IL7: variants seen among roughly 807,000 people sequenced by gnomAD.
IL7 encodes the protein interleukin-7.
IL7 carries 3 observed loss-of-function variants against 21.6 expected under a neutral mutation model. The ratio of observed to expected loss-of-function variants is 0.14; its 90% CI spans 0.06 to 0.36. The LOEUF (loss-of-function observed/expected upper bound fraction) is 0.36. IL7 is among the 10% of genes least tolerant of loss of function. The pLI is 1.00. For synonymous variants in IL7, 62 were observed against 68.1 expected, an observed-to-expected ratio of 0.91 and a Z score of 0.44; for missense variants, 175 against 200.2, an observed-to-expected ratio of 0.87 and a Z score of 0.76.
intron 3 of IL7, among the ~76,000 whole-genome samples, chr8:78,722,993 A>C (rs1563645544): frequency 6.6e-6 from 1 of 151,296 alleles, no homozygotes; most frequent in Non-Finnish European, 1.5e-5. Flanking sequence ...AAAAACTGTA[A>C]AAATAATAAC....
intron 5 of IL7, among the ~76,000 whole-genome samples, chr8:78,735,292 T>G (rs1317722686): frequency 6.0e-4 from 59 of 98,886 alleles, no homozygotes; most frequent in South Asian, 1.4e-3. Flanking sequence ...TTTTTTTTTT[T>G]GTTTTTTTTT....
intron 2 of IL7, chr8:78,762,456 A>T: frequency 6.4e-7 from 1 of 1,557,654 alleles, no homozygotes; most frequent in Non-Finnish European, 8.7e-7. Context: ...CGGCCGGTCC[A>T]GCCCTCCCCT....
chr8:78,801,735 C>G (rs1345697077), intron 1 of IL7, among the ~76,000 whole-genome samples: 2 of 152,164 alleles, frequency 1.3e-5, no homozygotes, highest in Admixed American at 1.3e-4. Flanking sequence ...TAAGAATCTA[C>G]CTGGTCCTCC....
At chr8:78,767,193 CTT>C (rs1053083389) in intron 2 of IL7, among the ~76,000 whole-genome samples, 1 of 151,380 alleles carries the variant, frequency 6.6e-6, no homozygotes, top group African/African-American at 2.4e-5. Context: ...AGGTTTATCT[CTT>C]ATATAGTGCA....
chr8:78,735,276 C>CTTTTTTTTTTTTTTTTTTTT lies in IL7; in HGVS notation c.414+1197_414+1198insAAAAAAAAAAAAAAAAAAAA. On this transcript the variant is annotated intron_variant, in intron 5 of 5. Transcript: ENST00000263851. ...TGGGAAAATAGTTATCTTTTCTTTT[C>CTTTTTTTTTTTTTTTTTTTT]TTTTTTTTTTTTTTTTGTTTTTTTT... Among the ~76,000 whole-genome samples the CTTTTTTTTTTTTTTTTTTTT allele has an allele frequency of 6.0e-3, 466 of 77,686 alleles. 1 individual carries two copies. The highest frequency in any genetic ancestry group is 9.3e-3 in the East Asian group (25 of 2,678). 51.0% of individuals were successfully genotyped at this position (77,686 alleles called of 152,430 possible). A position where few individuals can be genotyped will look rare whatever the true frequency, so the allele number is the denominator to read the frequency against.
At chr8:78,740,493 T>C (rs1811740409) in intron 2 of IL7, among the ~76,000 whole-genome samples, 1 of 152,200 alleles carries the variant, frequency 6.6e-6, no homozygotes, top group Admixed American at 6.5e-5. Flanking sequence ...AAGGAATTTA[T>C]ATTAGAATGA....
chr8:78,716,415 A>G (rs899078345), downstream of IL7, among the ~76,000 whole-genome samples: 6 of 151,912 alleles, frequency 3.9e-5, no homozygotes, highest in Admixed American at 1.3e-4. Context: ...GAGCCACCGC[A>G]CCCGGCCTAG....
chr8:78,730,644 A>G (rs1208715175), downstream of IL7, among the ~76,000 whole-genome samples: 1 of 151,974 alleles, frequency 6.6e-6, no homozygotes, highest in African/African-American at 2.4e-5. Flanking sequence ...ATTTAAATGG[A>G]TATTAATAAC....
rs758063520 is a variant in IL7, at chr8:78,738,519, C to G, written c.345G>C (p.Leu115Phe). 8 of 1,613,334 alleles carry G rather than the reference C, an allele frequency of 5.0e-6. No homozygotes were observed. The highest frequency in any genetic ancestry group is 1.3e-5 in the African/African-American group (1 of 74,888). Residue 115 changes from leucine to phenylalanine, a missense_variant, in exon 4 of 6, where the codon TTG (leucine) becomes TTC (phenylalanine). Transcript: ENST00000263851. ...CTTAGCTTACCTGGCCAGTGCAGTT[C>G]AACAGTATTGTTGTGCCTTCTGAAA... ...LKVSEGTTIL[L>F]NCTGQVKGRK...
intron 1 of IL7, among the ~76,000 whole-genome samples, chr8:78,800,871 T>G (rs74708464): frequency 0.023 from 3,512 of 152,308 alleles, 66 homozygotes; most frequent in Middle Eastern, 0.068. Context: ...ACTTTTACCA[T>G]TATCATAAAT....
chr8:78,742,490 C>A (rs925617484), intron 2 of IL7, among the ~76,000 whole-genome samples: 1 of 151,956 alleles, frequency 6.6e-6, no homozygotes, highest in East Asian at 1.9e-4. Flanking sequence ...ATGACATTGG[C>A]TAAGTTCTTT....
At chr8:78,801,147 T>C (rs1186848105) in intron 1 of IL7, among the ~76,000 whole-genome samples, 1 of 152,216 alleles carries the variant, frequency 6.6e-6, no homozygotes, top group Non-Finnish European at 1.5e-5. Flanking sequence ...ATTGTTGTCA[T>C]TGAATAATTA....
chr8:78,683,249 C>G (rs1429502451), intron 4 of IL7, among the ~76,000 whole-genome samples: 2 of 152,252 alleles, frequency 1.3e-5, no homozygotes, highest in Non-Finnish European at 2.9e-5. Flanking sequence ...GTGTGGACTC[C>G]AATCTCTTAT....
intron 5 of IL7, among the ~76,000 whole-genome samples, chr8:78,720,486 T>C (rs1397551244): frequency 6.6e-6 from 1 of 151,906 alleles, no homozygotes; most frequent in Non-Finnish European, 1.5e-5. Flanking sequence ...TTAGCTCATA[T>C]GTGAATTGCT....
intron 2 of IL7, among the ~76,000 whole-genome samples, chr8:78,743,068 C>G (rs1036621007): frequency 1.3e-5 from 2 of 152,152 alleles, no homozygotes; most frequent in Non-Finnish European, 2.9e-5. Flanking sequence ...TCTCATTGAT[C>G]TCATTCTTTT....
downstream of IL7, chr8:78,715,413 C>A: frequency 8.0e-7 from 1 of 1,251,418 alleles, no homozygotes; most frequent in Non-Finnish European, 1.1e-6. Flanking sequence ...AAGTAAGTAA[C>A]AAGCTATTTA....
chr8:78,678,721 T>C (rs1416137711), intron 4 of IL7: 10 of 1,386,890 alleles, frequency 7.2e-6, no homozygotes, highest in Non-Finnish European at 7.9e-6. Flanking sequence ...TTTGGTGTTA[T>C]GTATGTTGAA....
intron 2 of IL7, among the ~76,000 whole-genome samples, chr8:78,754,523 G>C (rs1172657932): frequency 6.6e-6 from 1 of 152,106 alleles, no homozygotes; most frequent in Non-Finnish European, 1.5e-5. Flanking sequence ...ATTCTTCACA[G>C]AGTTAGAAAA....
chr8:78,723,092 A>AATATATATATATATATATATAT (rs71264200), intron 3 of IL7, among the ~76,000 whole-genome samples: 10 of 140,496 alleles, frequency 7.1e-5, no homozygotes, highest in Non-Finnish European at 1.5e-4. Flanking sequence ...TAGAAGTACA[A>AATATATATATATATATATATAT]ATATATATAT....
Sources: allele counts gnomAD v4.1 joint callset (sites outside exome capture counted in the v4.1 genomes callset), GRCh38; gene constraint gnomAD v4.1.1; transcripts MANE v1.5; gene names NCBI Gene and HGNC (gene_info 2026-07-23, HGNC 2026-07-21).